CNBD1: variants seen among roughly 807,000 people sequenced by gnomAD.
CNBD1 encodes cyclic nucleotide binding domain containing 1, also known as cyclic nucleotide-binding domain-containing protein 1.
In CNBD1, 71 loss-of-function variants were observed where a neutral mutation model predicts 54.4. That is an observed-to-expected ratio of 1.30 (90% CI 1.08 to 1.59). The LOEUF is 1.59. CNBD1 is among the 40% of genes most tolerant of loss of function. The pLI, the probability that CNBD1 is intolerant of heterozygous loss-of-function variation, is 0.00. For synonymous variants in CNBD1, 182 were observed against 170.7 expected, an observed-to-expected ratio of 1.07 and a Z score of -0.51; for missense variants, 659 against 518.0, an observed-to-expected ratio of 1.27 and a Z score of -2.64.
At chr8:87,399,562 A>G (rs1334956067) in intron 2 of CNBD1, among the ~76,000 whole-genome samples, 1 of 152,018 alleles carries the variant, frequency 6.6e-6, no homozygotes, top group Non-Finnish European at 1.5e-5. Context: ...TTATGAACCT[A>G]ATATAAAGCC....
chr8:87,389,438 G>A (rs1190291522), intron 2 of CNBD1, among the ~76,000 whole-genome samples: 1 of 152,126 alleles, frequency 6.6e-6, no homozygotes, highest in Admixed American at 6.6e-5. Context: ...AAAATCACAA[G>A]CATTCTTATA....
intron 4 of CNBD1, among the ~76,000 whole-genome samples, chr8:86,983,623 C>T (rs1248311726): frequency 6.6e-6 from 1 of 152,070 alleles, no homozygotes; most frequent in Non-Finnish European, 1.5e-5. Flanking sequence ...AAAGGAGGAA[C>T]TTTTTGGGAA....
intron 6 of CNBD1, among the ~76,000 whole-genome samples, chr8:87,254,000 G>T (rs1807959866): frequency 6.6e-6 from 1 of 152,168 alleles, no homozygotes; most frequent in Admixed American, 6.5e-5. Context: ...GAGAGAAAAA[G>T]AATTTTAGAT....
At chr8:87,234,873 T>G (rs1807541998) in intron 5 of CNBD1, among the ~76,000 whole-genome samples, 1 of 152,218 alleles carries the variant, frequency 6.6e-6, no homozygotes, top group South Asian at 2.1e-4. Flanking sequence ...AAGTACTAGA[T>G]GGCATCTTCT....
intron 4 of CNBD1, among the ~76,000 whole-genome samples, chr8:87,101,553 C>G (rs1811429204): frequency 2.0e-5 from 3 of 152,004 alleles, no homozygotes; most frequent in Admixed American, 1.3e-4. Flanking sequence ...TAATTGGAGA[C>G]TTTACACATT....
At chr8:87,010,993 T>C (rs1005420964) in intron 4 of CNBD1, among the ~76,000 whole-genome samples, 13 of 152,184 alleles carry the variant, frequency 8.5e-5, no homozygotes, top group African/African-American at 3.1e-4. Flanking sequence ...GATGATGGTA[T>C]CTTCCTTTGG....
At chr8:87,294,468 A>G (rs577559472) in intron 8 of CNBD1, among the ~76,000 whole-genome samples, 13 of 152,218 alleles carry the variant, frequency 8.5e-5, no homozygotes, top group African/African-American at 2.9e-4. Flanking sequence ...GCTCTCACCC[A>G]CCACCTGCAG....
intron 8 of CNBD1, among the ~76,000 whole-genome samples, chr8:87,344,718 A>G (rs1216592100): frequency 1.3e-5 from 2 of 152,124 alleles, no homozygotes; most frequent in Non-Finnish European, 2.9e-5. Context: ...CAAAAAAATT[A>G]CTCATACTGT....
At chr8:87,311,459 T>G (rs940524638) in intron 8 of CNBD1, among the ~76,000 whole-genome samples, 2 of 152,034 alleles carry the variant, frequency 1.3e-5, no homozygotes, top group Admixed American at 6.6e-5. Flanking sequence ...CAGATGCTGG[T>G]GAGGCTGCAG....
intron 8 of CNBD1, among the ~76,000 whole-genome samples, chr8:87,310,830 C>T (rs1433358974): frequency 1.3e-5 from 2 of 152,082 alleles, no homozygotes; most frequent in East Asian, 1.9e-4. Context: ...ATAAGCTACA[C>T]ATCTGCAACT....
chr8:86,898,975 C>A (rs533802850), intron 2 of CNBD1, among the ~76,000 whole-genome samples: 20 of 152,130 alleles, frequency 1.3e-4, no homozygotes, highest in African/African-American at 4.6e-4. Flanking sequence ...TTTATATACC[C>A]AATGGAATAC....
rs140966428 is a variant in CNBD1, at chr8:87,027,826, T to A, written c.431+88072T>A. Among the ~76,000 whole-genome samples, 577 of 152,358 alleles carry A rather than the reference T, an allele frequency of 3.8e-3. 4 individuals are homozygous for A. The highest frequency in any genetic ancestry group is 3.7e-3 in the Non-Finnish European group (252 of 68,034). ...TTACCAAATTCTAATTTCCCATTACTGTATCAAACATAAAGTCATCAAAAC... is the reference window on the plus strand; with the variant it reads ...TTACCAAATTCTAATTTCCCATTACAGTATCAAACATAAAGTCATCAAAAC... On this transcript the variant is annotated intron_variant, in intron 4 of 10. Transcript: ENST00000518476.
chr8:87,422,660 T>G (rs1278389045), intron 2 of CNBD1, among the ~76,000 whole-genome samples: 2 of 152,196 alleles, frequency 1.3e-5, no homozygotes, highest in African/African-American at 4.8e-5. Flanking sequence ...AGTACCATGC[T>G]GTTTTGGTTA....
intron 3 of CNBD1, among the ~76,000 whole-genome samples, chr8:86,914,296 A>G (rs1809149037): frequency 6.6e-6 from 1 of 152,186 alleles, no homozygotes; most frequent in Non-Finnish European, 1.5e-5. Flanking sequence ...TTCACAATTT[A>G]TGTTCTTCTG....
chr8:87,400,854 T>C (rs1807551966), intron 2 of CNBD1, among the ~76,000 whole-genome samples: 1 of 152,032 alleles, frequency 6.6e-6, no homozygotes, highest in African/African-American at 2.4e-5. Context: ...TTATTGCTTT[T>C]TAAAGAATAA....
At chr8:87,401,232 T>C (rs561866197) in intron 2 of CNBD1, among the ~76,000 whole-genome samples, 4 of 152,154 alleles carry the variant, frequency 2.6e-5, no homozygotes, top group Admixed American at 1.3e-4. Flanking sequence ...TTGAAATCAA[T>C]AAATCTAAAT....
intron 8 of CNBD1, among the ~76,000 whole-genome samples, chr8:87,315,608 A>G (rs1382199707): frequency 6.6e-6 from 1 of 151,974 alleles, no homozygotes; most frequent in Non-Finnish European, 1.5e-5. Context: ...GATGGCATTA[A>G]TCTATTCATG....
At chr8:87,021,860 C>G (rs1035945256) in intron 4 of CNBD1, among the ~76,000 whole-genome samples, 9 of 152,096 alleles carry the variant, frequency 5.9e-5, no homozygotes, top group African/African-American at 2.2e-4. Context: ...TTATGAGTGT[C>G]TAGTATTTAC....
At chr8:87,279,270 TAATG>T (rs1808542463) in intron 6 of CNBD1, among the ~76,000 whole-genome samples, 1 of 151,228 alleles carries the variant, frequency 6.6e-6, no homozygotes, top group South Asian at 2.1e-4. Context: ...AACAAAATGA[TAATG>T]AAAGAATATA....
Sources: allele counts gnomAD v4.1 joint callset (sites outside exome capture counted in the v4.1 genomes callset), GRCh38; gene constraint gnomAD v4.1.1; transcripts MANE v1.5; gene names NCBI Gene and HGNC (gene_info 2026-07-23, HGNC 2026-07-21).